Variants in PTPRD observed in about 807,000 individuals in gnomAD.
PTPRD encodes receptor-type tyrosine-protein phosphatase delta.
In PTPRD, 34 loss-of-function variants were observed where a neutral mutation model predicts 214.5. That is an observed-to-expected ratio of 0.16 (90% CI 0.12 to 0.21). The LOEUF (loss-of-function observed/expected upper bound fraction) is 0.21. Among genes scored for constraint, PTPRD ranks in the 10% least tolerant of loss-of-function variants. PTPRD has a pLI of 1.00. For synonymous variants in PTPRD, 1,128 were observed against 845.7 expected, an observed-to-expected ratio of 1.33 and a Z score of -5.79; for missense variants, 2,545 against 2,398.7, an observed-to-expected ratio of 1.06 and a Z score of -1.27.
At chr9:8,413,281 G>A (rs1367809529) in intron 35 of PTPRD, among the ~76,000 whole-genome samples, 1 of 152,126 alleles carries the variant, frequency 6.6e-6, no homozygotes, top group Non-Finnish European at 1.5e-5. Flanking sequence ...AGTTTCAGAT[G>A]CAGGTGGAGG....
intron 14 of PTPRD, among the ~76,000 whole-genome samples, chr9:8,574,207 T>C (rs2091879095): frequency 6.6e-6 from 1 of 151,990 alleles, no homozygotes; most frequent in African/African-American, 2.4e-5. Context: ...AAGAAAATGG[T>C]AGTTGCTTCT....
At chr9:9,848,997 G>A (rs555301934) in intron 5 of PTPRD, among the ~76,000 whole-genome samples, 1 of 151,956 alleles carries the variant, frequency 6.6e-6, no homozygotes, top group Non-Finnish European at 1.5e-5. Context: ...AAATGTCTGA[G>A]CACGTCCAGT....
intron 11 of PTPRD, among the ~76,000 whole-genome samples, chr9:8,802,943 T>A (rs1183406401): frequency 6.6e-6 from 1 of 152,114 alleles, no homozygotes; most frequent in Non-Finnish European, 1.5e-5. Flanking sequence ...TCTCAGCTAC[T>A]TGGGAGGCTG....
intron 14 of PTPRD, among the ~76,000 whole-genome samples, chr9:8,618,623 C>G (rs1370704922): frequency 6.6e-6 from 1 of 152,068 alleles, no homozygotes; most frequent in African/African-American, 2.4e-5. Flanking sequence ...TCCAACATAT[C>G]TGAAATGACT....
At chr9:9,496,870 G>A (rs1375988167) in intron 8 of PTPRD, among the ~76,000 whole-genome samples, 1 of 152,114 alleles carries the variant, frequency 6.6e-6, no homozygotes, top group African/African-American at 2.4e-5. Context: ...TGACGAATGA[G>A]CAAGTAAAAC....
At chr9:9,603,243 G>A (rs1406057751) in intron 7 of PTPRD, among the ~76,000 whole-genome samples, 1 of 152,116 alleles carries the variant, frequency 6.6e-6, no homozygotes, top group Non-Finnish European at 1.5e-5. Flanking sequence ...GTCCATACTA[G>A]ACAGGAATGG....
At chr9:9,555,782 G>C (rs912930704) in intron 8 of PTPRD, among the ~76,000 whole-genome samples, 4 of 152,098 alleles carry the variant, frequency 2.6e-5, no homozygotes, top group African/African-American at 9.6e-5. Context: ...TATTATATGA[G>C]AAAATTATAT....
At chr9:8,618,801 A>T (rs2095698906) in intron 14 of PTPRD, among the ~76,000 whole-genome samples, 1 of 145,070 alleles carries the variant, frequency 6.9e-6, no homozygotes, top group South Asian at 2.2e-4. Context: ...GGTTCAAGTG[A>T]TTTTCCTGCC....
chr9:8,852,253 AAAAAAG>A (rs576413524), intron 11 of PTPRD, among the ~76,000 whole-genome samples: 3 of 152,332 alleles, frequency 2.0e-5, no homozygotes, highest in Admixed American at 6.5e-5. Flanking sequence ...GTTGTTAATA[AAAAAAG>A]AAAAAGAAAA....
At chr9:9,120,842 A>T (rs1454764113) in intron 10 of PTPRD, among the ~76,000 whole-genome samples, 1 of 152,208 alleles carries the variant, frequency 6.6e-6, no homozygotes, top group Non-Finnish European at 1.5e-5. Context: ...CTAAGTCTAA[A>T]CGTTTCCAAG....
intron 8 of PTPRD, among the ~76,000 whole-genome samples, chr9:9,515,511 T>G (rs1195150118): frequency 6.6e-6 from 1 of 152,146 alleles, no homozygotes; most frequent in Non-Finnish European, 1.5e-5. Context: ...AGTTTTTCTA[T>G]GTATCACTAC....
At chr9:9,801,622 G>A (rs1186880999) in intron 5 of PTPRD, among the ~76,000 whole-genome samples, 1 of 152,044 alleles carries the variant, frequency 6.6e-6, no homozygotes, top group African/African-American at 2.4e-5. Flanking sequence ...AGTTTTACCT[G>A]CAATTCTGAA....
chr9:8,575,512 C>G (rs140208863), intron 14 of PTPRD, among the ~76,000 whole-genome samples: 8 of 152,186 alleles, frequency 5.3e-5, no homozygotes, highest in Admixed American at 2.0e-4. Flanking sequence ...TAGTAAGTAT[C>G]CTTCGTTACT....
At chr9:10,472,912 CAATT>C (rs945975908) in intron 2 of PTPRD, among the ~76,000 whole-genome samples, 6 of 151,768 alleles carry the variant, frequency 4.0e-5, no homozygotes, top group East Asian at 1.9e-4. Flanking sequence ...TATTTAAAAA[CAATT>C]AAAAGTGAGT....
intron 11 of PTPRD, among the ~76,000 whole-genome samples, chr9:8,766,217 G>A (rs2094730922): frequency 2.6e-5 from 4 of 151,176 alleles, no homozygotes; most frequent in South Asian, 2.1e-4. Flanking sequence ...ATCCCCAGCC[G>A]AGGCCACTGT....
chr9:9,717,433 A>G lies in PTPRD; in HGVS notation c.-287+17100T>C, dbSNP rs898593560. Among the ~76,000 whole-genome samples, 6 of 152,268 alleles carry G rather than the reference A, an allele frequency of 3.9e-5. No individual in the cohort carries two copies. In the East Asian group the frequency reaches 1.2e-3, roughly 29 times the overall value. On this transcript the variant is annotated intron_variant, in intron 7 of 45. Transcript: ENST00000381196. ...GGGGATGGTATTGAATCTATAAATT[A>G]CCTTGGGCAGTATGGCCATTTTCAT...
chr9:9,268,419 T>C (rs1941182516), intron 9 of PTPRD, among the ~76,000 whole-genome samples: 1 of 151,202 alleles, frequency 6.6e-6, no homozygotes, highest in Non-Finnish European at 1.5e-5. Context: ...AAAATCATTA[T>C]TGTCAAAACA....
At chr9:10,188,995 G>C (rs992407873) in intron 3 of PTPRD, among the ~76,000 whole-genome samples, 7 of 152,030 alleles carry the variant, frequency 4.6e-5, no homozygotes, top group Non-Finnish European at 8.8e-5. Flanking sequence ...TACATGTAGG[G>C]TATTCCAGTT....
chr9:10,492,491 A>G (rs2040638345), intron 2 of PTPRD, among the ~76,000 whole-genome samples: 1 of 151,696 alleles, frequency 6.6e-6, no homozygotes, highest in Non-Finnish European at 1.5e-5. Flanking sequence ...TCATATGTTT[A>G]TTGGCCACAT....
Sources: gnomAD v4.1 joint callset for allele counts (sites outside exome capture counted in the v4.1 genomes callset) on GRCh38, gnomAD v4.1.1 for gene constraint, MANE v1.5 for transcripts, NCBI Gene and HGNC (gene_info 2026-07-23, HGNC 2026-07-21) for gene names.